KDM4D: variants seen among roughly 807,000 people sequenced by gnomAD.
The protein encoded by KDM4D is lysine-specific demethylase 4D.
For synonymous variants in KDM4D, 254 were observed against 249.1 expected (o/e 1.02, Z -0.19); for missense variants, 427 against 674.8 (o/e 0.63, Z 4.07).
chr11:94,998,479 A>G lies in KDM4D; in HGVS notation c.1107A>G (p.Arg369=), dbSNP rs1160842793. The G allele has an allele frequency of 6.2e-7, 1 of 1,612,446 alleles. No homozygotes were observed. Among genetic ancestry groups the G allele is most frequent in the Non-Finnish European group, 8.5e-7 (1 of 1,179,972 alleles). ...AGAAGGAAGTCCAGTTACCCAGGAG[A>G]GCAGCGCTGGGCCTGAGACAACTCC... The part of the protein sequence containing the change: ...STQKEVQLPR[R]AALGLRQLPS... Residue 369 remains arginine, a synonymous_variant, in exon 3 of 3, where the codon AGA becomes AGG. Transcript: ENST00000335080. The surrounding 1 kb of genome is among the most constrained non-coding windows in gnomAD (Gnocchi z 6.7).
intron 2 of KDM4D, among the ~76,000 whole-genome samples, chr11:94,991,145 A>G (rs1422940803): frequency 6.6e-6 from 1 of 152,230 alleles, no homozygotes; most frequent in African/African-American, 2.4e-5. Flanking sequence ...CATCTTTTGC[A>G]TTGAATATGA....
At chr11:94,981,360 A>T (rs1857841523) in intron 2 of KDM4D, among the ~76,000 whole-genome samples, 1 of 152,026 alleles carries the variant, frequency 6.6e-6, no homozygotes, top group Non-Finnish European at 1.5e-5. Flanking sequence ...TTCGTACCAT[A>T]AAATGAATTG....
chr11:94,988,436 C>A (rs868930634), intron 2 of KDM4D, among the ~76,000 whole-genome samples: 1 of 152,142 alleles, frequency 6.6e-6, no homozygotes, highest in Non-Finnish European at 1.5e-5. Flanking sequence ...TTATCCAGCA[C>A]CTATTGCAGT....
Position 94,998,680 on chromosome 11 carries a change from C to G in KDM4D, c.1308C>G (p.Thr436=). 1 of 1,614,228 alleles carries G rather than the reference C, an allele frequency of 6.2e-7. No individual in the cohort carries two copies. Among genetic ancestry groups the G allele is most frequent in the Admixed American group, 1.7e-5 (1 of 60,030 alleles). Residue 436 remains threonine (T), a synonymous_variant, in exon 3 of 3, where the codon ACC becomes ACG. Coordinates refer to ENST00000335080, the MANE Select transcript of KDM4D (RefSeq NM_018039.3). This position sits in a 1 kb window ranked among gnomAD's most constrained non-coding sequence, Gnocchi z 6.7. ...SKKPSSTPSS[T]PGPSAQIIHP... ...AGCCCAGCTCAACTCCATCATCCAC[C>G]CCTGGTCCATCTGCACAGATTATCC...
chr11:94,988,230 A>G (rs1857904599), intron 2 of KDM4D, among the ~76,000 whole-genome samples: 1 of 152,266 alleles, frequency 6.6e-6, no homozygotes, highest in African/African-American at 2.4e-5. Context: ...GGTAGAATTC[A>G]GCAGAACAAT....
At chr11:94,990,480 A>G (rs587626145) in intron 2 of KDM4D, among the ~76,000 whole-genome samples, 1 of 152,226 alleles carries the variant, frequency 6.6e-6, no homozygotes. Flanking sequence ...CTACGTTTGT[A>G]TAAGAAAATT....
intron 2 of KDM4D, among the ~76,000 whole-genome samples, chr11:94,978,811 A>T (rs587715373): frequency 2.0e-5 from 3 of 152,372 alleles, no homozygotes; most frequent in Admixed American, 2.0e-4. Context: ...TCTTAGGTTG[A>T]ATAACATTAA....
intron 1 of KDM4D, among the ~76,000 whole-genome samples, chr11:94,974,514 C>A (rs781944654): frequency 2.6e-5 from 4 of 151,990 alleles, no homozygotes; most frequent in Non-Finnish European, 5.9e-5. Flanking sequence ...GCTTTCTTAC[C>A]CCTAAATTCT....
chr11:94,989,820 C>G (rs1555098460), intron 2 of KDM4D, among the ~76,000 whole-genome samples: 1 of 144,394 alleles, frequency 6.9e-6, no homozygotes, highest in African/African-American at 2.6e-5. Flanking sequence ...GGCGTGATCT[C>G]AGCTCACTGC....
chr11:94,973,757 A>G lies in KDM4D; in HGVS notation c.-756A>G, dbSNP rs1367345042. ...TAGAGTAGACCCTAAACCTCATTTT[A>G]TACCTTCAAGAACCAATTACTTAAT... On this transcript the variant is annotated 5_prime_UTR_variant, in exon 1 of 3. Coordinates refer to ENST00000335080, the MANE Select transcript of KDM4D (RefSeq NM_018039.3). 6.6e-6 allele frequency: 1 copy of G among 152,304 alleles called. No homozygotes were observed. The highest frequency in any genetic ancestry group is 1.5e-5 in the Non-Finnish European group (1 of 68,104). The allele number at this position is 152,304 out of a possible 1,614,324, so 9.4% of individuals were successfully genotyped here. A position where few individuals can be genotyped will look rare whatever the true frequency, so the allele number is the denominator to read the frequency against.
intron 2 of KDM4D, among the ~76,000 whole-genome samples, chr11:94,994,606 G>A (rs1423569443): frequency 3.3e-5 from 5 of 152,246 alleles, no homozygotes; most frequent in African/African-American, 1.2e-4. Context: ...GGTTGTAGGA[G>A]TTTTAGGAGG....
At chr11:94,974,716 A>G (rs1857781266) in intron 1 of KDM4D, among the ~76,000 whole-genome samples, 1 of 151,970 alleles carries the variant, frequency 6.6e-6, no homozygotes, top group South Asian at 2.1e-4. Context: ...CTTTTCATTC[A>G]CTCTTCACAT....
Position 94,994,575 on chromosome 11 carries a change from A to T in KDM4D, c.-349-2449A>T, listed in dbSNP as rs184905526. 1.8e-4 allele frequency among the ~76,000 whole-genome samples: 28 copies of T among 152,238 alleles called. No individual in the cohort carries two copies. The East Asian group carries it at 5.2e-3, about 28-fold the overall frequency. On this transcript the variant is annotated intron_variant, in intron 2 of 2. Transcript: ENST00000335080. ...GAAGAAAGAAAAGAACCAGTGTTAAAAGAAGTATCAGTGCCCTGGAGGTTG... is the reference window on the plus strand; with the variant it reads ...GAAGAAAGAAAAGAACCAGTGTTAATAGAAGTATCAGTGCCCTGGAGGTTG...
chr11:94,982,209 G>A (rs1464048925), intron 2 of KDM4D, among the ~76,000 whole-genome samples: 2 of 151,770 alleles, frequency 1.3e-5, no homozygotes, highest in Non-Finnish European at 3.0e-5. Flanking sequence ...ATTTGTTAAA[G>A]CTTGTTTTAT....
At chr11:94,992,950 C>T (rs148984028) in intron 2 of KDM4D, among the ~76,000 whole-genome samples, 156 of 152,178 alleles carry the variant, frequency 1.0e-3, no homozygotes, top group African/African-American at 3.6e-3. Context: ...TATTGACTGT[C>T]AGAAGAAACA....
intron 2 of KDM4D, among the ~76,000 whole-genome samples, chr11:94,979,499 G>A (rs1378055635): frequency 1.3e-5 from 2 of 152,090 alleles, no homozygotes; most frequent in Non-Finnish European, 2.9e-5. Flanking sequence ...CAAAGTGCTG[G>A]GATTACAGGT....
rs377376989 is a variant in KDM4D, at chr11:94,998,203, T to C, written c.831T>C (p.Tyr277=). ...EAGEFMVTFP[Y]GYHAGFNHGF... is the part of the protein sequence containing the mutation. ...GAGAGTTCATGGTGACCTTTCCCTA[T>C]GGCTACCATGCTGGCTTCAACCATG... The change falls in exon 3 of 3, where the codon TAT becomes TAC. Residue 277 remains tyrosine (Y), a synonymous_variant. Transcript: ENST00000335080. This position sits in a 1 kb window ranked among gnomAD's most constrained non-coding sequence, Gnocchi z 6.7. The C allele has an allele frequency of 2.4e-5, 38 of 1,614,100 alleles. No individual in the cohort carries two copies. The highest frequency in any genetic ancestry group is 3.1e-5 in the Non-Finnish European group (37 of 1,180,040).
intron 2 of KDM4D, among the ~76,000 whole-genome samples, chr11:94,983,187 CA>C (rs1555097758): frequency 6.6e-6 from 1 of 151,646 alleles, no homozygotes; most frequent in East Asian, 1.9e-4. Flanking sequence ...TTTAGAAAGA[CA>C]TCTATCCTTA....
intron 2 of KDM4D, 115 bp downstream of exon 2, chr11:94,975,863 C>A (rs1555096938): frequency 6.6e-6 from 1 of 152,116 alleles, no homozygotes; most frequent in East Asian, 1.9e-4. Flanking sequence ...TTTTTATGTT[C>A]CAACTGTCCT....
Sources: gnomAD v4.1 joint callset for allele counts (sites outside exome capture counted in the v4.1 genomes callset) on GRCh38, gnomAD v4.1.1 for gene constraint, Gnocchi (gnomAD v3.1) non-coding constraint, MANE v1.5 for transcripts, NCBI Gene and HGNC (gene_info 2026-07-23, HGNC 2026-07-21) for gene names.